Variants in PLCB4 observed in about 807,000 individuals in gnomAD.
The protein encoded by PLCB4 is 1-phosphatidylinositol 4,5-bisphosphate phosphodiesterase beta-4.
A neutral mutation model predicts 178.8 loss-of-function variants in PLCB4; 77 were observed. The ratio of observed to expected loss-of-function variants is 0.43; its 90% CI spans 0.36 to 0.52. The LOEUF is 0.52. Among genes scored for constraint, PLCB4 ranks in the 20% least tolerant of loss-of-function variants. PLCB4 has a pLI of 0.00. For missense variants in PLCB4, 1,024 were observed against 1,453.4 expected, an observed-to-expected ratio of 0.70 and a Z score of 4.80; for synonymous variants, 496 against 490.8, an observed-to-expected ratio of 1.01 and a Z score of -0.14.
chr20:9,100,852 C>T (rs531637282), intron 2 of PLCB4, among the ~76,000 whole-genome samples: 4 of 152,264 alleles, frequency 2.6e-5, no homozygotes, highest in African/African-American at 7.2e-5. Context: ...TTCCCACTTT[C>T]GTGCACACAG....
At position 9,183,984 on chromosome 20, in the gene PLCB4, C is replaced by T. The variant is rs141947677; in HGVS notation, c.-78-33406C>T. Among the ~76,000 whole-genome samples, 1,028 of 152,214 alleles carry T rather than the reference C, an allele frequency of 6.8e-3. 5 individuals are homozygous for T. The highest frequency in any genetic ancestry group is 0.011 in the African/African-American group (463 of 41,534). The stretch of plus-strand genomic sequence containing the variant: ...TTATAAACTGAAGAATCTGCTTTAA[C>T]GTGAGCTACTTTCCCTGCACTATCA... On this transcript the variant is annotated intron_variant, in intron 2 of 39. Coordinates refer to ENST00000378473, the MANE Select transcript of PLCB4 (RefSeq NM_001377142.1).
intron 32 of PLCB4, among the ~76,000 whole-genome samples, chr20:9,451,889 T>C (rs1327324272): frequency 6.6e-6 from 1 of 152,258 alleles, no homozygotes; most frequent in African/African-American, 2.4e-5. Flanking sequence ...GAAAAACCCA[T>C]GTCCTTAACC....
At chr20:9,230,382 G>GAGA (rs2147346812) in intron 3 of PLCB4, among the ~76,000 whole-genome samples, 2 of 152,190 alleles carry the variant, frequency 1.3e-5, no homozygotes, top group East Asian at 3.9e-4. Context: ...AGGGGTAAAG[G>GAGA]AGAACATAGG....
At chr20:9,333,483 G>A (rs2031996092) in intron 4 of PLCB4, among the ~76,000 whole-genome samples, 1 of 152,182 alleles carries the variant, frequency 6.6e-6, no homozygotes, top group African/African-American at 2.4e-5. Flanking sequence ...AGTTTTTATG[G>A]TTGTGAACAA....
intron 4 of PLCB4, among the ~76,000 whole-genome samples, chr20:9,322,153 C>G (rs954837752): frequency 5.5e-5 from 7 of 127,026 alleles, no homozygotes; most frequent in Non-Finnish European, 9.4e-5. Context: ...GAGACAGGGT[C>G]TCACTATGTT....
intron 1 of PLCB4, among the ~76,000 whole-genome samples, chr20:9,091,377 G>A (rs2090672419): frequency 6.6e-6 from 1 of 151,968 alleles, no homozygotes; most frequent in African/African-American, 2.4e-5. Context: ...AGCCTCACCT[G>A]GCTTATGTTT....
intron 2 of PLCB4, among the ~76,000 whole-genome samples, chr20:9,113,738 A>G (rs185595576): frequency 3.9e-5 from 6 of 152,346 alleles, no homozygotes; most frequent in African/African-American, 1.4e-4. Context: ...TTGGTTCTGA[A>G]CAATTTTCAG....
At chr20:9,102,548 A>T (rs1422344241) in intron 2 of PLCB4, among the ~76,000 whole-genome samples, 1 of 152,218 alleles carries the variant, frequency 6.6e-6, no homozygotes, top group Non-Finnish European at 1.5e-5. Context: ...TTCTTCTTCT[A>T]CAATATGGAA....
chr20:9,389,824 G>T (rs1438496749), intron 15 of PLCB4, 55 bp from the exon 16 acceptor site: 1 of 904,870 alleles, frequency 1.1e-6, no homozygotes, highest in African/African-American at 1.7e-5. Flanking sequence ...ATAGTTTTGG[G>T]TGCCTTAATT....
rs546227731 is a variant in PLCB4 at position 9,472,681 on chromosome 20, G to A, written c.3351-109G>A. On this transcript the variant is annotated intron_variant, in intron 36 of 39. Coordinates refer to ENST00000378473, the MANE Select transcript of PLCB4 (RefSeq NM_001377142.1). The stretch of plus-strand genomic sequence containing the variant: ...CTGCAATAACAATTAGAAAAATAAA[G>A]CAATAATTCCATCCAGAGAATTTGA... The A allele has an allele frequency of 2.5e-3, 1,421 of 565,270 alleles. 20 individuals carry two copies. The highest frequency in any genetic ancestry group is 0.024 in the South Asian group (698 of 29,248). The allele number at this position is 565,270 out of a possible 1,614,324, so 35.0% of individuals were successfully genotyped here. A position where few individuals can be genotyped will look rare whatever the true frequency, so the allele number is the denominator to read the frequency against.
chr20:9,267,773 A>T (rs1205357586), intron 3 of PLCB4, among the ~76,000 whole-genome samples: 1 of 152,112 alleles, frequency 6.6e-6, no homozygotes, highest in Non-Finnish European at 1.5e-5. Context: ...AATCACTTTA[A>T]GATGTGCTTG....
chr20:9,385,884 T>C (rs2037594771), intron 14 of PLCB4, among the ~76,000 whole-genome samples: 1 of 152,166 alleles, frequency 6.6e-6, no homozygotes, highest in Non-Finnish European at 1.5e-5. Flanking sequence ...ATCTTAGCAC[T>C]TCGGGAGGCC....
chr20:9,215,544 T>C (rs1299827889), intron 2 of PLCB4, among the ~76,000 whole-genome samples: 1 of 152,214 alleles, frequency 6.6e-6, no homozygotes, highest in Non-Finnish European at 1.5e-5. Context: ...AAAGTCAGGG[T>C]ACATGATGCT....
At chr20:9,119,519 A>AG (rs1318190256) in intron 2 of PLCB4, among the ~76,000 whole-genome samples, 3 of 35,878 alleles carry the variant, frequency 8.4e-5, no homozygotes, top group Non-Finnish European at 2.1e-4. Flanking sequence ...GAGAAAGGAG[A>AG]AAAAAAAAAA....
At chr20:9,336,267 C>T (rs767749578) in intron 4 of PLCB4, among the ~76,000 whole-genome samples, 3 of 152,060 alleles carry the variant, frequency 2.0e-5, no homozygotes, top group Non-Finnish European at 2.9e-5. Flanking sequence ...TTCCCAAATG[C>T]CCTTTTTCTT....
At chr20:9,269,836 C>A (rs1157876318) in intron 3 of PLCB4, among the ~76,000 whole-genome samples, 3 of 152,138 alleles carry the variant, frequency 2.0e-5, no homozygotes. Context: ...GTTGCTATAG[C>A]TGCTGTAATT....
intron 8 of PLCB4, among the ~76,000 whole-genome samples, chr20:9,363,204 A>G (rs1298659220): frequency 6.6e-6 from 1 of 152,212 alleles, no homozygotes; most frequent in African/African-American, 2.4e-5. Flanking sequence ...TTGATGGTCA[A>G]AGGACACTGG....
chr20:9,085,822 T>C (rs952941324), intron 1 of PLCB4, among the ~76,000 whole-genome samples: 2 of 152,180 alleles, frequency 1.3e-5, no homozygotes, highest in African/African-American at 4.8e-5. Flanking sequence ...ATTGCCAAGA[T>C]ACTTGAACAT....
At chr20:9,258,638 T>C (rs1039670959) in intron 3 of PLCB4, among the ~76,000 whole-genome samples, 25 of 144,976 alleles carry the variant, frequency 1.7e-4, no homozygotes, top group Non-Finnish European at 3.4e-4. Context: ...TCGCTTGAAC[T>C]CGGGAGGCGG....
Sources: gnomAD v4.1 joint callset for allele counts (sites outside exome capture counted in the v4.1 genomes callset) on GRCh38, gnomAD v4.1.1 for gene constraint, MANE v1.5 for transcripts, NCBI Gene and HGNC (gene_info 2026-07-23, HGNC 2026-07-21) for gene names.